ASXL3: variants seen among roughly 807,000 people sequenced by gnomAD.
ASXL3 encodes the protein ASXL transcriptional regulator 3.
ASXL3 carries 34 observed loss-of-function variants against 170.6 expected under a neutral mutation model. The ratio of observed to expected loss-of-function variants is 0.20; its 90% confidence interval spans 0.15 to 0.27. The LOEUF (loss-of-function observed/expected upper bound fraction) is 0.27. ASXL3 is among the 10% of genes least tolerant of loss of function. ASXL3 has a pLI of 1.00. For missense variants in ASXL3, 2,592 were observed against 2,695.3 expected (o/e 0.96, Z 0.85); for synonymous variants, 1,002 against 989.1 (o/e 1.01, Z -0.24).
At chr18:33,730,994 T>TA (rs1234899114) in intron 8 of ASXL3, among the ~76,000 whole-genome samples, 1 of 152,194 alleles carries the variant, frequency 6.6e-6, no homozygotes, top group African/African-American at 2.4e-5. Context: ...ACAATAAGCT[T>TA]ATCTTGCATT....
intron 1 of ASXL3, among the ~76,000 whole-genome samples, chr18:33,604,962 ATAAG>A (rs1281789653): frequency 6.6e-6 from 1 of 152,060 alleles, no homozygotes. Flanking sequence ...GAATTAAAAA[ATAAG>A]TACTTGAAAG....
rs902703242 is a variant in ASXL3 at position 33,746,094 on chromosome 18, A to G, written c.6246A>G (p.Glu2082=). ...STGICSNIKS[E]PLSFEEGLSS... ...GCATATGTAGCAATATAAAATCGGAACCTCTTTCTTTTGAGGAAGGTTTAA... is the reference window on the plus strand; with the variant it reads ...GCATATGTAGCAATATAAAATCGGAGCCTCTTTCTTTTGAGGAAGGTTTAA... Residue 2082 remains glutamate, a synonymous_variant, in exon 12 of 12, where the codon GAA becomes GAG. Coordinates refer to ENST00000269197, the MANE Select transcript of ASXL3 (RefSeq NM_030632.3). 53 of 1,613,240 alleles carry G rather than the reference A, an allele frequency of 3.3e-5. No individual in the cohort carries two copies. The highest frequency in any genetic ancestry group is 4.5e-5 in the Non-Finnish European group (53 of 1,179,840).
intron 7 of ASXL3, among the ~76,000 whole-genome samples, chr18:33,677,851 T>C (rs545540159): frequency 6.6e-6 from 1 of 152,272 alleles, no homozygotes; most frequent in South Asian, 2.1e-4. Context: ...CATTAGACTT[T>C]ATTCTTTGAA....
chr18:33,612,819 A>T (rs2065358009), intron 2 of ASXL3, among the ~76,000 whole-genome samples: 1 of 152,102 alleles, frequency 6.6e-6, no homozygotes, highest in Admixed American at 6.6e-5. Context: ...AACGCAAGTA[A>T]TTTCTACTGC....
At position 33,583,021 on chromosome 18, in the gene ASXL3, CTG is replaced by C. The variant is rs1017545751; in HGVS notation, c.54+4338_54+4339del. Among the ~76,000 whole-genome samples, 7 of 152,152 alleles carry C rather than the reference CTG, an allele frequency of 4.6e-5. No individual in the cohort carries two copies. The East Asian group carries it at 5.8e-4, about 13-fold the overall frequency. ...TGCAATACATTACATTCTAAATAAA[CTG>C]TTAGGATTTCTATAAAATAAAGCTG... On this transcript the variant is annotated intron_variant, in intron 1 of 11. Transcript: ENST00000269197.
rs1052143268 is a variant in ASXL3, at chr18:33,700,799, T to G, written c.879+17231T>G. 6.6e-5 allele frequency among the ~76,000 whole-genome samples: 10 copies of G among 152,134 alleles called. 1 individual carries two copies. In the South Asian group the frequency reaches 2.1e-3, roughly 32 times the overall value. On this transcript the variant is annotated intron_variant, in intron 8 of 11. Transcript: ENST00000269197. ...ATCCAAAAGACAGGAAGGGCAAGAA[T>G]CTTGTTGACATGATGGACCAGAAAA...
Position 33,746,209 on chromosome 18 carries a change from G to C in ASXL3, c.6361G>C (p.Asp2121His). 1 of 1,613,926 alleles carries C rather than the reference G, an allele frequency of 6.2e-7. No individual in the cohort carries two copies. Among genetic ancestry groups the C allele is most frequent in the Non-Finnish European group, 8.5e-7 (1 of 1,179,884 alleles). Reference sequence around the variant, plus strand: ...AAAAGCATTCGCGCTAAAAAGTGCAGATTTCTCTTCCTATTTGCTTTCTGA... The same window carrying C: ...AAAAGCATTCGCGCTAAAAAGTGCACATTTCTCTTCCTATTTGCTTTCTGA... ...QLKAFALKSA[D>H]FSSYLLSEPQ... The change falls in exon 12 of 12, where the codon GAT becomes CAT. Residue 2121 changes from aspartate (D) to histidine (H), a missense_variant. Asp to His is a moderately conservative substitution (Grantham distance 81, BLOSUM62 -1). This residue lies in a region of ASXL3 where 2,246 missense variants were observed against 2,219.6 expected (regional missense o/e 1.01). Transcript: ENST00000269197.
intron 1 of ASXL3, among the ~76,000 whole-genome samples, chr18:33,582,706 CTGTGTGTGTGTG>C (rs34434614): frequency 4.4e-5 from 6 of 135,952 alleles, no homozygotes; most frequent in Admixed American, 7.3e-5. Context: ...TGGTTTTTTT[CTGTGTGTGTGTG>C]TGTGTGTGTG....
chr18:33,706,285 T>TGTAAGG, intron 8 of ASXL3, among the ~76,000 whole-genome samples: 1 of 151,744 alleles, frequency 6.6e-6, no homozygotes, highest in Non-Finnish European at 1.5e-5. Context: ...GACATTTTGG[T>TGTAAGG]ATTTATGGTT....
chr18:33,647,339 G>A (rs2065931114), intron 4 of ASXL3, among the ~76,000 whole-genome samples: 1 of 152,064 alleles, frequency 6.6e-6, no homozygotes, highest in Non-Finnish European at 1.5e-5. Context: ...CAAAGGTTGT[G>A]AATTTAATGT....
At chr18:33,651,238 T>C (rs972434008) in intron 4 of ASXL3, among the ~76,000 whole-genome samples, 2 of 152,168 alleles carry the variant, frequency 1.3e-5, no homozygotes, top group African/African-American at 4.8e-5. Flanking sequence ...TAAAATTCAA[T>C]AATAGATTTC....
intron 2 of ASXL3, among the ~76,000 whole-genome samples, chr18:33,612,145 AAT>A (rs2065344726): frequency 6.6e-6 from 1 of 151,872 alleles, no homozygotes; most frequent in Admixed American, 6.6e-5. Flanking sequence ...GTAATAGGCA[AAT>A]AGTTTATAAT....
intron 8 of ASXL3, among the ~76,000 whole-genome samples, chr18:33,689,286 G>A (rs1237812704): frequency 6.6e-6 from 1 of 152,172 alleles, no homozygotes; most frequent in Non-Finnish European, 1.5e-5. Context: ...TAGCCACCGC[G>A]CTCAGCCAAA....
chr18:33,743,238 T>C lies in ASXL3; in HGVS notation c.3390T>C (p.Pro1130=). The change falls in exon 12 of 12, where the codon CCT becomes CCC. Residue 1130 remains proline (P), a synonymous_variant. Transcript: ENST00000269197. Reference sequence around the variant, plus strand: ...AGACCTCTAAAGAGACCCGGTTGCCTCCTCCGCTCAGCTCAAAGGAAGGGC... The same window carrying C: ...AGACCTCTAAAGAGACCCGGTTGCCCCCTCCGCTCAGCTCAAAGGAAGGGC... The part of the protein sequence containing the change: ...LFQTSKETRL[P]PPLSSKEGPP... 1 of 1,613,872 alleles carries C rather than the reference T, an allele frequency of 6.2e-7. No homozygotes were observed. The highest frequency in any genetic ancestry group is 2.2e-5 in the East Asian group (1 of 44,880).
At chr18:33,616,487 T>C (rs2065424329) in intron 2 of ASXL3, among the ~76,000 whole-genome samples, 1 of 151,918 alleles carries the variant, frequency 6.6e-6, no homozygotes, top group Non-Finnish European at 1.5e-5. Flanking sequence ...TGATGTAAGA[T>C]TGGATTGCTG....
intron 4 of ASXL3, among the ~76,000 whole-genome samples, chr18:33,660,299 C>A (rs77872731): frequency 1.7e-3 from 262 of 152,134 alleles, no homozygotes; most frequent in African/African-American, 6.0e-3. Flanking sequence ...TAAATTTGTT[C>A]ATTTGTCTTT....
At chr18:33,687,113 A>G (rs781071429) in intron 8 of ASXL3, among the ~76,000 whole-genome samples, 2 of 152,204 alleles carry the variant, frequency 1.3e-5, no homozygotes, top group Non-Finnish European at 2.9e-5. Flanking sequence ...GAAGGCAACT[A>G]GAGATTTTTT....
At position 33,701,379 on chromosome 18, in the gene ASXL3, G is replaced by A. The variant is rs527969000; in HGVS notation, c.879+17811G>A. ...GCTTTGAATCTATAAATCATTTTAGGGAGTGTTGTCATTGCTTAACAATAC... is the reference window on the plus strand; with the variant it reads ...GCTTTGAATCTATAAATCATTTTAGAGAGTGTTGTCATTGCTTAACAATAC... On this transcript the variant is annotated intron_variant, in intron 8 of 11. Transcript: ENST00000269197. 9.2e-5 allele frequency among the ~76,000 whole-genome samples: 14 copies of A among 152,078 alleles called. No homozygotes were observed. In the East Asian group the frequency reaches 2.7e-3, roughly 29 times the overall value.
rs996643867 is a variant in ASXL3 at position 33,743,346 on chromosome 18, A to G, written c.3498A>G (p.Arg1166=). ...TCATTATTGTCAATCCAAACTGTAG[A>G]TCTCCTAGCAACAAGTCTGCCCACC... ...TGVIIVNPNC[R]SPSNKSAHLR... Residue 1166 remains arginine, a synonymous_variant, in exon 12 of 12, where the codon AGA becomes AGG. Transcript: ENST00000269197. 6.2e-7 allele frequency: 1 copy of G among 1,613,620 alleles called. No individual in the cohort carries two copies. Among genetic ancestry groups the G allele is most frequent in the African/African-American group, 1.3e-5 (1 of 74,896 alleles).
Sources: allele counts gnomAD v4.1 joint callset (sites outside exome capture counted in the v4.1 genomes callset), GRCh38; gene constraint gnomAD v4.1.1; regional missense constraint gnomAD v4.1.1; transcripts MANE v1.5; gene names NCBI Gene and HGNC (gene_info 2026-07-23, HGNC 2026-07-21).